The following P3H2 variants were observed in gnomAD, a reference collection of about 807,000 sequenced individuals.
P3H2 encodes prolyl 3-hydroxylase 2.
Under a neutral mutation model 87.0 loss-of-function variants are expected in P3H2, and 80 were observed. That is an observed-to-expected ratio of 0.92 (90% CI 0.77 to 1.11). The LOEUF (loss-of-function observed/expected upper bound fraction) is 1.11. P3H2 is among the 50% of genes least tolerant of loss of function. P3H2 has a pLI of 0.00. For missense variants in P3H2, 1,001 were observed against 923.9 expected (o/e 1.08, Z -1.08); for synonymous variants, 367 against 359.3 (o/e 1.02, Z -0.24).
At position 190,120,635 on chromosome 3, in the gene P3H2, C is replaced by A; in HGVS notation, c.97G>T (p.Glu33Ter). The A allele has an allele frequency of 6.5e-7, 1 of 1,530,254 alleles. No homozygotes were observed. The highest frequency in any genetic ancestry group is 8.7e-7 in the Non-Finnish European group (1 of 1,146,618). 94.8% of individuals were successfully genotyped at this position (1,530,254 alleles called of 1,614,324 possible). A position where few individuals can be genotyped will look rare whatever the true frequency, so the allele number is the denominator to read the frequency against. ...WGGPPDSPRRELELEPGPLQP... is the reference protein window; with the variant it reads ...WGGPPDSPRR Reference sequence around the variant, plus strand: ...AGAGGCCCGGGCTCCAGCTCCAGCTCCCGGCGTGGGCTGTCCGGGGGGCCG... The same window carrying A: ...AGAGGCCCGGGCTCCAGCTCCAGCTACCGGCGTGGGCTGTCCGGGGGGCCG... Residue 33 changes from glutamate to a stop codon, truncating the protein, a stop_gained, in exon 1 of 15, where the codon GAG becomes TAG. Transcript: ENST00000319332. LOFTEE classifies it high-confidence loss of function.
At chr3:189,994,337 A>C (rs199509292) in intron 2 of P3H2, 54 bp from the exon 3 acceptor site, 240 of 973,806 alleles carry the variant, frequency 2.5e-4, no homozygotes, top group East Asian at 1.3e-3. Flanking sequence ...AACAAACAAA[A>C]AAACCCTTAT....
intron 1 of P3H2, among the ~76,000 whole-genome samples, chr3:190,016,284 C>A (rs150216781): frequency 0.02 from 2,983 of 152,212 alleles, 99 homozygotes; most frequent in African/African-American, 0.067. Context: ...ACTCTTGTTG[C>A]CCAGGCTGGA....
chr3:189,986,976 A>G (rs1391183725), intron 5 of P3H2, 99 bp from the exon 6 acceptor site: 11 of 809,500 alleles, frequency 1.4e-5, no homozygotes, highest in Non-Finnish European at 2.4e-5. Context: ...GATAGTCACA[A>G]ATGAGCTAAC....
chr3:190,079,957 T>C (rs1217726419), intron 1 of P3H2, among the ~76,000 whole-genome samples: 2 of 152,228 alleles, frequency 1.3e-5, no homozygotes, highest in African/African-American at 2.4e-5. Flanking sequence ...GAAAAGTCAT[T>C]AGGACAGTGC....
At chr3:189,981,685 T>C (rs1452918910) in intron 8 of P3H2, among the ~76,000 whole-genome samples, 1 of 152,190 alleles carries the variant, frequency 6.6e-6, no homozygotes, top group East Asian at 1.9e-4. Context: ...GGACACCAGA[T>C]TCCCTGGTAG....
chr3:189,969,454 G>A (rs710542), intron 13 of P3H2: 196,450 of 873,338 alleles, frequency 0.22, 23,387 homozygotes, highest in Non-Finnish European at 0.26. Flanking sequence ...TTGGAATATG[G>A]CACACTCCTC....
chr3:190,059,333 A>C (rs1010000864), intron 1 of P3H2, among the ~76,000 whole-genome samples: 1 of 152,126 alleles, frequency 6.6e-6, no homozygotes, highest in African/African-American at 2.4e-5. Flanking sequence ...ACTGTATTCC[A>C]GGAAGATAGT....
chr3:190,108,103 A>G (rs973089795), intron 1 of P3H2, among the ~76,000 whole-genome samples: 1 of 152,024 alleles, frequency 6.6e-6, no homozygotes, highest in African/African-American at 2.4e-5. Flanking sequence ...CATTGTGCCC[A>G]GCCTAAAAAT....
intron 1 of P3H2, among the ~76,000 whole-genome samples, chr3:190,024,550 A>AAAAAAAAAAAG (rs1725031923): frequency 6.7e-6 from 1 of 149,042 alleles, no homozygotes; most frequent in Non-Finnish European, 1.5e-5. Flanking sequence ...AAAAAAAAAA[A>AAAAAAAAAAAG]AAAGAAAGAA....
intron 1 of P3H2, among the ~76,000 whole-genome samples, chr3:190,085,378 A>G (rs1295119452): frequency 1.3e-5 from 2 of 152,226 alleles, no homozygotes; most frequent in African/African-American, 4.8e-5. Flanking sequence ...ACCCCTAATT[A>G]AAAGTCTCTG....
Position 189,994,461 on chromosome 3 carries a change from C to T in P3H2, c.634-178G>A, listed in dbSNP as rs77273160. ...GCACTGGGAGATAAAGAACAACATT[C>T]CTGGCTTCAAATGCTTGTAAGTGAG... On this transcript the variant is annotated intron_variant, in intron 2 of 14. Transcript: ENST00000319332. 4.5e-3 allele frequency among the ~76,000 whole-genome samples: 684 copies of T among 152,290 alleles called. 6 individuals carry two copies. Among genetic ancestry groups the T allele is most frequent in the South Asian group, 0.018 (88 of 4,830 alleles).
intron 1 of P3H2, among the ~76,000 whole-genome samples, chr3:190,032,006 C>G (rs965320168): frequency 3.9e-5 from 6 of 152,208 alleles, no homozygotes; most frequent in South Asian, 2.1e-4. Flanking sequence ...AGTGCTAGAC[C>G]TACTGCTATA....
intron 14 of P3H2, among the ~76,000 whole-genome samples, chr3:189,959,996 C>T (rs1722765637): frequency 6.6e-6 from 1 of 151,996 alleles, no homozygotes; most frequent in Non-Finnish European, 1.5e-5. Context: ...CGACTCCTGC[C>T]GCCTCCACGT....
intron 1 of P3H2, among the ~76,000 whole-genome samples, chr3:190,038,234 TAAAAAA>T (rs140978961): frequency 7.6e-6 from 1 of 132,194 alleles, no homozygotes; most frequent in Non-Finnish European, 1.6e-5. Context: ...AGACTAGGTT[TAAAAAA>T]AAAAAAAAAA....
At chr3:190,079,388 T>A (rs530955706) in intron 1 of P3H2, among the ~76,000 whole-genome samples, 6 of 141,780 alleles carry the variant, frequency 4.2e-5, no homozygotes, top group African/African-American at 1.3e-4. Context: ...AAATAAATAA[T>A]CCTTATCTGT....
At chr3:190,092,230 C>CTA (rs1727430656) in intron 1 of P3H2, among the ~76,000 whole-genome samples, 1 of 137,958 alleles carries the variant, frequency 7.2e-6, no homozygotes, top group African/African-American at 2.6e-5. Context: ...GAGACTCCGT[C>CTA]AAAAAAAAAA....
At chr3:190,090,831 C>G (rs560158565) in intron 1 of P3H2, among the ~76,000 whole-genome samples, 1 of 152,140 alleles carries the variant, frequency 6.6e-6, no homozygotes, top group African/African-American at 2.4e-5. Flanking sequence ...AGAGCCCCAC[C>G]CCATTTCCTC....
chr3:190,067,536 C>A (rs1184733737), intron 1 of P3H2, among the ~76,000 whole-genome samples: 1 of 152,108 alleles, frequency 6.6e-6, no homozygotes, highest in African/African-American at 2.4e-5. Context: ...ATCTCAATTT[C>A]TCTAGAGTTT....
chr3:190,018,747 T>C (rs560340966), intron 1 of P3H2, among the ~76,000 whole-genome samples: 22 of 152,282 alleles, frequency 1.4e-4, no homozygotes, highest in Admixed American at 3.3e-4. Context: ...CTAACTCCAC[T>C]ACTTAATGCT....
Sources: gnomAD v4.1 joint callset for allele counts (sites outside exome capture counted in the v4.1 genomes callset) on GRCh38, gnomAD v4.1.1 for gene constraint, MANE v1.5 for transcripts, NCBI Gene and HGNC (gene_info 2026-07-23, HGNC 2026-07-21) for gene names.